The following GAREM1 variants were observed in gnomAD, a reference collection of about 807,000 sequenced individuals.
GAREM1 encodes the protein GRB2 associated regulator of MAPK1 subtype 1.
In GAREM1, 26 loss-of-function variants were observed where a neutral mutation model predicts 71.3. That is an observed-to-expected ratio of 0.36 (90% CI 0.27 to 0.51). The LOEUF (loss-of-function observed/expected upper bound fraction) is 0.51. Ranked by LOEUF, GAREM1 falls within the 20% of genes least tolerant of loss-of-function variation. The probability of loss-of-function intolerance (pLI) is 0.95; values close to 1 mark genes in which losing one functional copy is unlikely to be tolerated. For missense variants in GAREM1, 1,026 were observed against 1,103.1 expected (o/e 0.93, Z 0.99); for synonymous variants, 440 against 433.2 (o/e 1.02, Z -0.20).
At chr18:32,454,849 A>C (rs1032002167) in intron 1 of GAREM1, among the ~76,000 whole-genome samples, 6 of 152,204 alleles carry the variant, frequency 3.9e-5, no homozygotes, top group African/African-American at 1.4e-4. Flanking sequence ...GAAGTATCCC[A>C]ACAACTCTGT....
rs762092387 is a variant in GAREM1 at position 32,268,341 on chromosome 18, A to G, written c.2161T>C (p.Ser721Pro). ...LAAGVTKQST[S>P]CPALPPRAPK... ...GCCCTGGGGGGTAAGGCAGGGCATGACGTACTCTGCTTTGTCACACCAGCT... is the reference window on the plus strand; with the variant it reads ...GCCCTGGGGGGTAAGGCAGGGCATGGCGTACTCTGCTTTGTCACACCAGCT... The change falls in exon 6 of 6, where the codon TCA becomes CCA. Residue 721 changes from serine (S) to proline (P), a missense_variant. Coordinates refer to ENST00000269209, the MANE Select transcript of GAREM1 (RefSeq NM_001242409.2). The G allele has an allele frequency of 8.7e-6, 14 of 1,614,120 alleles. No homozygotes were observed. The South Asian group carries it at 1.5e-4, about 18-fold the overall frequency.
chr18:32,308,856 G>C (rs916550749), intron 3 of GAREM1, among the ~76,000 whole-genome samples: 2 of 150,350 alleles, frequency 1.3e-5, no homozygotes, highest in African/African-American at 4.9e-5. Context: ...TTTGGAACTG[G>C]AAGAAGAAAT....
intron 2 of GAREM1, among the ~76,000 whole-genome samples, chr18:32,357,221 A>G (rs930948019): frequency 7.9e-5 from 12 of 152,342 alleles, no homozygotes; most frequent in Non-Finnish European, 1.3e-4. Flanking sequence ...TCATGCCTGT[A>G]ATCCCAACAC....
chr18:32,448,656 T>C (rs2048805748), intron 1 of GAREM1, among the ~76,000 whole-genome samples: 1 of 152,250 alleles, frequency 6.6e-6, no homozygotes, highest in Non-Finnish European at 1.5e-5. Flanking sequence ...TGTGTTTATA[T>C]ATATACAAAT....
intron 3 of GAREM1, among the ~76,000 whole-genome samples, chr18:32,304,407 A>C (rs1026421788): frequency 1.3e-5 from 2 of 152,196 alleles, no homozygotes; most frequent in Non-Finnish European, 2.9e-5. Context: ...TGTGAAACTT[A>C]ATTTTTTATG....
At chr18:32,296,740 T>C (rs1045306063) in intron 3 of GAREM1, among the ~76,000 whole-genome samples, 1 of 151,066 alleles carries the variant, frequency 6.6e-6, no homozygotes, top group Non-Finnish European at 1.5e-5. Context: ...TGGGTCTTGC[T>C]ATGCTGCTCA....
intron 1 of GAREM1, among the ~76,000 whole-genome samples, chr18:32,441,392 C>A (rs1315672032): frequency 6.6e-6 from 1 of 151,954 alleles, no homozygotes; most frequent in Non-Finnish European, 1.5e-5. Context: ...AATAATCCAT[C>A]TAAAGAAAGA....
chr18:32,425,574 G>C (rs140032795), intron 1 of GAREM1, among the ~76,000 whole-genome samples: 3 of 152,252 alleles, frequency 2.0e-5, no homozygotes, highest in Non-Finnish European at 2.9e-5. Context: ...GAAGAACCAA[G>C]AAATAAAGAA....
chr18:32,264,743 T>C lies in GAREM1; in HGVS notation c.*3128A>G, dbSNP rs529480953. On this transcript the variant is annotated 3_prime_UTR_variant, in exon 6 of 6. Coordinates refer to ENST00000269209, the MANE Select transcript of GAREM1 (RefSeq NM_001242409.2). ...CTTAAAGAAGAGAAAACTTGCAAGA[T>C]TGATCTGTGAGTGTCTGAATTCTGC... is the stretch of plus-strand genomic sequence containing the variant. 10 of 152,342 alleles carry C rather than the reference T, an allele frequency of 6.6e-5. No homozygotes were observed. The highest frequency in any genetic ancestry group is 1.4e-4 in the African/African-American group (6 of 41,584). 9.4% of individuals were successfully genotyped at this position (152,342 alleles called of 1,614,324 possible). A position where few individuals can be genotyped will look rare whatever the true frequency, so the allele number is the denominator to read the frequency against.
chr18:32,415,115 A>T (rs934041676), intron 1 of GAREM1, among the ~76,000 whole-genome samples: 1 of 152,166 alleles, frequency 6.6e-6, no homozygotes, highest in South Asian at 2.1e-4. Context: ...GAATAAATGG[A>T]TATATTCCCA....
intron 3 of GAREM1, among the ~76,000 whole-genome samples, chr18:32,293,251 TC>T (rs2047105307): frequency 6.6e-6 from 1 of 151,938 alleles, no homozygotes; most frequent in South Asian, 2.1e-4. Context: ...GAACCAGGGC[TC>T]CCTGGAGAAA....
intron 2 of GAREM1, among the ~76,000 whole-genome samples, chr18:32,364,703 C>T (rs1436751458): frequency 1.3e-5 from 2 of 152,146 alleles, no homozygotes; most frequent in Admixed American, 6.5e-5. Flanking sequence ...TTATAAAATT[C>T]TCTAATCTAG....
At chr18:32,421,484 T>A (rs570515228) in intron 1 of GAREM1, among the ~76,000 whole-genome samples, 1 of 151,946 alleles carries the variant, frequency 6.6e-6, no homozygotes, top group Admixed American at 6.6e-5. Flanking sequence ...CTCACATCAT[T>A]CCCCTGCTTT....
At chr18:32,387,542 C>T (rs2048160336) in intron 2 of GAREM1, among the ~76,000 whole-genome samples, 1 of 152,166 alleles carries the variant, frequency 6.6e-6, no homozygotes, top group Admixed American at 6.5e-5. Context: ...CTTTTCTAAA[C>T]ACTATGTCAA....
intron 2 of GAREM1, among the ~76,000 whole-genome samples, chr18:32,324,769 C>G (rs1202211762): frequency 2.6e-5 from 4 of 152,240 alleles, no homozygotes; most frequent in Middle Eastern, 3.4e-3. Flanking sequence ...CTACAAACGG[C>G]AAGGCAATCA....
chr18:32,420,157 T>C (rs2048506131), intron 1 of GAREM1, among the ~76,000 whole-genome samples: 1 of 152,194 alleles, frequency 6.6e-6, no homozygotes, highest in South Asian at 2.1e-4. Context: ...CACTTGGCTT[T>C]TTAAAGTTAA....
At chr18:32,386,960 G>A (rs1160885650) in intron 2 of GAREM1, among the ~76,000 whole-genome samples, 1 of 151,992 alleles carries the variant, frequency 6.6e-6, no homozygotes, top group Non-Finnish European at 1.5e-5. Flanking sequence ...GAGCTCAGGA[G>A]GGCAAATAAA....
chr18:32,364,028 G>GTTTTTTTTT (rs1157200391), intron 2 of GAREM1, among the ~76,000 whole-genome samples: 1 of 21,672 alleles, frequency 4.6e-5, no homozygotes, highest in Non-Finnish European at 8.0e-5. Context: ...ATATATATAT[G>GTTTTTTTTT]TTTTTTTTTT....
At chr18:32,315,595 AG>A (rs2047371113) in intron 2 of GAREM1, among the ~76,000 whole-genome samples, 1 of 151,406 alleles carries the variant, frequency 6.6e-6, no homozygotes, top group Admixed American at 6.6e-5. Flanking sequence ...TTTTACACTT[AG>A]GGATCATCTC....
Sources: gnomAD v4.1 joint callset for allele counts (sites outside exome capture counted in the v4.1 genomes callset) on GRCh38, gnomAD v4.1.1 for gene constraint, MANE v1.5 for transcripts, NCBI Gene and HGNC (gene_info 2026-07-23, HGNC 2026-07-21) for gene names.